SHCBP1: variants seen among roughly 807,000 people sequenced by gnomAD.
The protein encoded by SHCBP1 is SHC SH2 domain-binding protein 1.
A neutral mutation model predicts 75.1 loss-of-function variants in SHCBP1; 60 were observed. That is an observed-to-expected ratio of 0.80 (90% CI 0.65 to 0.99). The LOEUF (loss-of-function observed/expected upper bound fraction) is 0.99, where lower values mean the gene tolerates loss of function less well. SHCBP1 is among the 50% of genes least tolerant of loss of function. SHCBP1 has a pLI of 0.00. For synonymous variants in SHCBP1, 290 were observed against 293.2 expected, an observed-to-expected ratio of 0.99 and a Z score of 0.11; for missense variants, 709 against 809.4, an observed-to-expected ratio of 0.88 and a Z score of 1.50.
chr16:46,598,009 G>A (rs942195230), intron 9 of SHCBP1, among the ~76,000 whole-genome samples: 1 of 152,166 alleles, frequency 6.6e-6, no homozygotes, highest in East Asian at 1.9e-4. Flanking sequence ...ATTCAGTCAC[G>A]TCTTGAGGTT....
chr16:46,583,553 G>A lies in SHCBP1; in HGVS notation c.1656C>T (p.Phe552=). 1.2e-6 allele frequency: 2 copies of A among 1,609,400 alleles called. No homozygotes were observed. The highest frequency in any genetic ancestry group is 1.7e-6 in the Non-Finnish European group (2 of 1,179,072). ...CTTCAGCATTTTCTTGCAGGTCAGA[G>A]AAGATTGTAGGTTTCACCAAGACAA... ...YGVVLVKPTI[F]SDLQENAEDG... The change falls in exon 12 of 13, where the codon TTC becomes TTT. Residue 552 remains phenylalanine (F), a synonymous_variant. Coordinates refer to ENST00000303383, the MANE Select transcript of SHCBP1 (RefSeq NM_024745.5).
chr16:46,586,495 G>A (rs1332955929), intron 10 of SHCBP1, among the ~76,000 whole-genome samples: 1 of 152,138 alleles, frequency 6.6e-6, no homozygotes, highest in East Asian at 1.9e-4. Flanking sequence ...CAATATTCAT[G>A]TCATCAGAGT....
At chr16:46,591,810 G>A (rs963613659) in intron 10 of SHCBP1, among the ~76,000 whole-genome samples, 8 of 151,872 alleles carry the variant, frequency 5.3e-5, no homozygotes, top group African/African-American at 1.7e-4. Context: ...TGTGTTTTCC[G>A]ACCACAATGG....
rs191284186 is a variant in SHCBP1, at chr16:46,596,562, G to A, written c.1346-892C>T. Among the ~76,000 whole-genome samples the A allele has an allele frequency of 5.9e-3, 900 of 151,532 alleles. 11 individuals are homozygous for A. Among genetic ancestry groups the A allele is most frequent in the African/African-American group, 0.021 (863 of 41,402 alleles). On this transcript the variant is annotated intron_variant, in intron 9 of 12. Transcript: ENST00000303383. ...CTCCTGAGTAGCTGGGATTACAGGC[G>A]CCTGCCACCACACCCAGCTAATTTT...
At chr16:46,612,921 C>A (rs1965442733) in intron 4 of SHCBP1, among the ~76,000 whole-genome samples, 1 of 152,184 alleles carries the variant, frequency 6.6e-6, no homozygotes, top group Non-Finnish European at 1.5e-5. Flanking sequence ...CAAGTCCAGC[C>A]ATTGTACTTT....
intron 10 of SHCBP1, among the ~76,000 whole-genome samples, chr16:46,586,025 G>A (rs1388633962): frequency 3.3e-5 from 5 of 152,194 alleles, no homozygotes; most frequent in Admixed American, 3.3e-4. Context: ...AGTTAAAACA[G>A]AAGATCCAGA....
In SHCBP1 at chr16:46,618,424, T is replaced by C. The variant is rs760052381; in HGVS notation, c.104-52A>G. ...AGCTCCAGTGCCTTATTTGAATGCT[T>C]CTATTTTCATATCCTTGCATAGAAA... On this transcript the variant is annotated intron_variant, in intron 1 of 12. Transcript: ENST00000303383. 12 of 1,494,606 alleles carry C rather than the reference T, an allele frequency of 8.0e-6. No individual in the cohort carries two copies. The African/African-American group carries it at 1.7e-4, about 21-fold the overall frequency. 92.6% of individuals were successfully genotyped at this position (1,494,606 alleles called of 1,614,324 possible). A position where few individuals can be genotyped will look rare whatever the true frequency, so the allele number is the denominator to read the frequency against.
At chr16:46,592,507 A>G (rs754846800) in intron 10 of SHCBP1, among the ~76,000 whole-genome samples, 7 of 152,172 alleles carry the variant, frequency 4.6e-5, no homozygotes, top group Non-Finnish European at 1.0e-4. Context: ...GCATTGGAGA[A>G]ATCCATCAAA....
At chr16:46,601,496 C>T (rs1415707401) in intron 8 of SHCBP1, among the ~76,000 whole-genome samples, 1 of 152,090 alleles carries the variant, frequency 6.6e-6, no homozygotes, top group Non-Finnish European at 1.5e-5. Context: ...TGACTAAAGA[C>T]GAATCTTTGA....
chr16:46,604,891 A>G (rs1393912454), intron 5 of SHCBP1, among the ~76,000 whole-genome samples: 1 of 152,188 alleles, frequency 6.6e-6, no homozygotes, highest in African/African-American at 2.4e-5. Flanking sequence ...AATGTTTAAG[A>G]TTACTATATT....
chr16:46,610,509 C>T (rs567166435), intron 4 of SHCBP1, among the ~76,000 whole-genome samples: 4 of 132,190 alleles, frequency 3.0e-5, no homozygotes, highest in East Asian at 2.1e-4. Context: ...ATTTCCCCCA[C>T]TCTAAATTTT....
intron 5 of SHCBP1, among the ~76,000 whole-genome samples, chr16:46,605,458 T>A (rs988928465): frequency 6.6e-6 from 1 of 152,082 alleles, no homozygotes; most frequent in Non-Finnish European, 1.5e-5. Flanking sequence ...TGTGATGGCA[T>A]GCACTTGTAG....
intron 10 of SHCBP1, among the ~76,000 whole-genome samples, chr16:46,590,690 G>A (rs1316320772): frequency 1.3e-5 from 2 of 152,194 alleles, no homozygotes; most frequent in African/African-American, 2.4e-5. Context: ...AGGATGTGGA[G>A]AAATAGGAAC....
intron 10 of SHCBP1, among the ~76,000 whole-genome samples, chr16:46,592,951 C>CAAAAAAAAAA: frequency 4.4e-4 from 10 of 22,794 alleles, no homozygotes; most frequent in East Asian, 5.1e-3. Flanking sequence ...TAAAAATTCT[C>CAAAAAAAAAA]AAAAAAAAAA....
intron 10 of SHCBP1, among the ~76,000 whole-genome samples, chr16:46,588,569 T>C (rs1246814622): frequency 6.6e-6 from 1 of 152,148 alleles, no homozygotes; most frequent in South Asian, 2.1e-4. Context: ...CTAGAAAATC[T>C]AGAAGAAATG....
intron 4 of SHCBP1, 141 bp from the exon 5 acceptor site, chr16:46,608,530 G>A: frequency 1.7e-6 from 1 of 601,492 alleles, no homozygotes; most frequent in South Asian, 2.0e-5. Flanking sequence ...TGATAGTCAT[G>A]AGTCACACAA....
intron 4 of SHCBP1, among the ~76,000 whole-genome samples, chr16:46,611,460 AT>A (rs1330664097): frequency 6.6e-6 from 1 of 152,148 alleles, no homozygotes; most frequent in Non-Finnish European, 1.5e-5. Context: ...TTATTCCTTG[AT>A]TTACTCGTCA....
chr16:46,588,281 C>T (rs1319146204), intron 10 of SHCBP1, among the ~76,000 whole-genome samples: 1 of 152,104 alleles, frequency 6.6e-6, no homozygotes, highest in Non-Finnish European at 1.5e-5. Flanking sequence ...AGAGAAAGCA[C>T]ATTCCAAAGC....
At chr16:46,584,166 T>A (rs1964917621) in intron 10 of SHCBP1, 77 bp from the exon 11 acceptor site, 1 of 1,061,822 alleles carries the variant, frequency 9.4e-7, no homozygotes, top group African/African-American at 1.6e-5. Flanking sequence ...AATTACTTCT[T>A]AGCCTTTAAC....
Sources: allele counts gnomAD v4.1 joint callset (sites outside exome capture counted in the v4.1 genomes callset), GRCh38; gene constraint gnomAD v4.1.1; transcripts MANE v1.5; gene names NCBI Gene and HGNC (gene_info 2026-07-23, HGNC 2026-07-21).